Variants in TNK1 observed in about 807,000 individuals in gnomAD.
TNK1 encodes the protein tyrosine kinase non receptor 1.
A neutral mutation model predicts 65.2 loss-of-function variants in TNK1; 53 were observed. The ratio of observed to expected loss-of-function variants is 0.81; its 90% CI spans 0.65 to 1.02. The LOEUF is 1.02. Among genes scored for constraint, TNK1 ranks in the 50% least tolerant of loss-of-function variants. The pLI is 0.00. For missense variants in TNK1, 837 were observed against 878.4 expected, an observed-to-expected ratio of 0.95 and a Z score of 0.60; for synonymous variants, 353 against 364.6, an observed-to-expected ratio of 0.97 and a Z score of 0.36.
intron 7 of TNK1, among the ~76,000 whole-genome samples, chr17:7,385,155 G>A (rs2143123727): frequency 6.6e-6 from 1 of 152,076 alleles, no homozygotes; most frequent in Middle Eastern, 3.4e-3. Context: ...ACCTGAGGTC[G>A]GGAGTTCAAG....
Position 7,384,702 on chromosome 17 carries a change from C to T in TNK1, c.1085C>T (p.Pro362Leu), listed in dbSNP as rs771681552. 27 of 1,591,500 alleles carry T rather than the reference C, an allele frequency of 1.7e-5. No homozygotes were observed. The highest frequency in any genetic ancestry group is 2.2e-5 in the Non-Finnish European group (26 of 1,171,684). ...TCCCTCGCCTTGCGCTGCTGGGCCC[C>T]CCACCCTGCCGACCGGCCTAGCTTT... Reference protein sequence around the residue: ...LYSLALRCWAPHPADRPSFSH... With the variant: ...LYSLALRCWALHPADRPSFSH... Residue 362 changes from proline to leucine, a missense_variant, in exon 7 of 13, where the codon CCC (proline) becomes CTC (leucine). Physicochemically the swap from Pro to Leu is moderately conservative, Grantham distance 98. Coordinates refer to ENST00000688331, the MANE Select transcript of TNK1 (RefSeq NM_003985.6).
rs749885264 is a variant in TNK1, at chr17:7,383,976, G to C, written c.589G>C (p.Glu197Gln). Residue 197 changes from glutamate (E) to glutamine (Q), a missense_variant, in exon 6 of 13, where the codon GAG becomes CAG. By Grantham distance (29) the Glu-to-Gln change is conservative (BLOSUM62 2). Coordinates refer to ENST00000688331, the MANE Select transcript of TNK1 (RefSeq NM_003985.6). ...VLGQPLQMVM[E>Q]LAPLGSLHAR... Reference sequence around the variant, plus strand: ...GCGGTGTTCCCTCCTGCAGGTGATGGAGCTGGCGCCACTGGGCTCCCTGCA... The same window carrying C: ...GCGGTGTTCCCTCCTGCAGGTGATGCAGCTGGCGCCACTGGGCTCCCTGCA... 4 of 1,499,762 alleles carry C rather than the reference G, an allele frequency of 2.7e-6. No homozygotes were observed. The highest frequency in any genetic ancestry group is 2.2e-5 in the Admixed American group (1 of 46,362). The allele number at this position is 1,499,762 out of a possible 1,614,324, so 92.9% of individuals were successfully genotyped here.
chr17:7,386,225 G>A (rs990523946), intron 7 of TNK1, among the ~76,000 whole-genome samples: 2 of 152,154 alleles, frequency 1.3e-5, no homozygotes, highest in African/African-American at 2.4e-5. Context: ...GGGTAGAGGC[G>A]GTGGGGCTGC....
chr17:7,384,140 AC>A lies in TNK1; in HGVS notation c.754del (p.Leu252CysfsTer60). The A allele has an allele frequency of 6.5e-7, 1 of 1,545,516 alleles. No homozygotes were observed. The highest frequency in any genetic ancestry group is 8.7e-7 in the Non-Finnish European group (1 of 1,153,312). On this transcript the variant is annotated frameshift_variant, in exon 6 of 13. Transcript: ENST00000688331. LOFTEE classifies it high-confidence loss of function. ...ACCGAGACCTCGCTACGCGCAACCT[AC>A]TGCTGGCGTCGCCGCGCACCATCAA... ...VHRDLATRNL[L>X]LASPRTIKVA...
intron 7 of TNK1, 73 bp downstream of exon 7, chr17:7,384,827 G>A (rs1905091597): frequency 1.3e-6 from 2 of 1,501,104 alleles, no homozygotes; most frequent in Non-Finnish European, 1.8e-6. Flanking sequence ...TCCATGCGAA[G>A]ACTAACACAT....
At chr17:7,387,315 G>A in intron 9 of TNK1, 63 bp from the exon 10 acceptor site, 2 of 1,549,306 alleles carry the variant, frequency 1.3e-6, no homozygotes, top group Non-Finnish European at 8.7e-7. Context: ...TTTTGGGAGG[G>A]TATATTGATC....
In TNK1 at chr17:7,383,443, C is replaced by T. The variant is rs774652002; in HGVS notation, c.253C>T (p.Pro85Ser). 1.9e-6 allele frequency: 3 copies of T among 1,613,798 alleles called. No individual in the cohort carries two copies. The highest frequency in any genetic ancestry group is 1.3e-5 in the African/African-American group (1 of 74,908). Residue 85 changes from proline (P) to serine (S), a missense_variant, in exon 4 of 13, where the codon CCT becomes TCT. Physicochemically the swap from Pro to Ser is moderately conservative, Grantham distance 74 (BLOSUM62 -1). Transcript: ENST00000688331. ...GTTTCAGATCCTTGGAGGTTTTGCC[C>T]CTGAGCACAAGGAGCCCACCCTGCC... The part of the protein sequence containing the change: ...WVYKILGGFA[P>S]EHKEPTLPSD...
Position 7,389,196 on chromosome 17 carries a change from A to C in TNK1, c.*112A>C. 1 of 838,060 alleles carries C rather than the reference A, an allele frequency of 1.2e-6. No homozygotes were observed. Among genetic ancestry groups the C allele is most frequent in the Non-Finnish European group, 1.8e-6 (1 of 541,856 alleles). 51.9% of individuals were successfully genotyped at this position (838,060 alleles called of 1,614,324 possible). A position where few individuals can be genotyped will look rare whatever the true frequency, so the allele number is the denominator to read the frequency against. Reference sequence around the variant, plus strand: ...AGGTCCCGACAGGGGTAGACGTTCCACCTGGGGAGATCCCACCTGCCGTAG... The same window carrying C: ...AGGTCCCGACAGGGGTAGACGTTCCCCCTGGGGAGATCCCACCTGCCGTAG... On this transcript the variant is annotated 3_prime_UTR_variant, in exon 13 of 13. Coordinates refer to ENST00000688331, the MANE Select transcript of TNK1 (RefSeq NM_003985.6).
At chr17:7,380,829 G>C (rs1904767208), upstream of TNK1, 1 of 152,554 alleles carries the variant, frequency 6.6e-6, no homozygotes, top group South Asian at 2.1e-4. Flanking sequence ...GGGGAGGGCT[G>C]GGAAGCTATT....
In TNK1 at chr17:7,382,278, A is replaced by AG. The variant is rs1160477111; in HGVS notation, c.-91-558_-91-557insG. 1.3e-5 allele frequency among the ~76,000 whole-genome samples: 2 copies of AG among 151,652 alleles called. No individual in the cohort carries two copies. The highest frequency in any genetic ancestry group is 6.6e-5 in the Admixed American group (1 of 15,230). On this transcript the variant is annotated intron_variant, in intron 1 of 12. Coordinates refer to ENST00000688331, the MANE Select transcript of TNK1 (RefSeq NM_003985.6). The surrounding 1 kb of genome is among the most constrained non-coding windows in gnomAD (Gnocchi z 4.1). ...GAGACTCCGTCTCAAAAAAAAAAAA[A>AG]AAGAGGACATGTATTTGGGAGTCTC...
chr17:7,383,598 G>A lies in TNK1; in HGVS notation c.408G>A (p.Thr136=). 1.9e-6 allele frequency: 3 copies of A among 1,603,030 alleles called. No homozygotes were observed. The South Asian group carries it at 3.3e-5, about 18-fold the overall frequency. ...GTGTGGTGCACCGAGGGCTGTGGAC[G>A]CTGCCCAGTGGCAAGAGTGTGAGTG... is the stretch of plus-strand genomic sequence containing the variant. ...CFGVVHRGLW[T]LPSGKSVPVA... The change falls in exon 4 of 13, where the codon ACG becomes ACA. Residue 136 remains threonine, a synonymous_variant. Transcript: ENST00000688331.
chr17:7,389,128 C>T lies in TNK1; in HGVS notation c.*44C>T. ...CAGACACCAGCATGAAAAGCCTAGGCCCCTGAGGGCCTGGCCACATGGGAC... is the reference window on the plus strand; with the variant it reads ...CAGACACCAGCATGAAAAGCCTAGGTCCCTGAGGGCCTGGCCACATGGGAC... On this transcript the variant is annotated 3_prime_UTR_variant, in exon 13 of 13. Transcript: ENST00000688331. 6.8e-7 allele frequency: 1 copy of T among 1,477,214 alleles called. No individual in the cohort carries two copies. Among genetic ancestry groups the T allele is most frequent in the South Asian group, 1.2e-5 (1 of 82,642 alleles). 91.5% of individuals were successfully genotyped at this position (1,477,214 alleles called of 1,614,324 possible). A position where few individuals can be genotyped will look rare whatever the true frequency, so the allele number is the denominator to read the frequency against.
Position 7,388,606 on chromosome 17 carries a change from C to A in TNK1, c.1678C>A (p.Pro560Thr), listed in dbSNP as rs1286558628. The change falls in exon 11 of 13, where the codon CCA becomes ACA. Residue 560 changes from proline (P) to threonine (T), a missense_variant. Pro to Thr is a conservative substitution (Grantham distance 38, BLOSUM62 -1). Coordinates refer to ENST00000688331, the MANE Select transcript of TNK1 (RefSeq NM_003985.6). This position sits in a 1 kb window ranked among gnomAD's most constrained non-coding sequence, Gnocchi z 4.5. ...ERLPWPKRKPPHNHPMGMPGA... is the reference protein window; with the variant it reads ...ERLPWPKRKPTHNHPMGMPGA... Reference sequence around the variant, plus strand: ...GCTTCCCTGGCCCAAAAGAAAACCCCCACACAATCACCCCATGGGAATGCC... The same window carrying A: ...GCTTCCCTGGCCCAAAAGAAAACCCACACACAATCACCCCATGGGAATGCC... The A allele has an allele frequency of 6.2e-7, 1 of 1,613,892 alleles. No homozygotes were observed. The highest frequency in any genetic ancestry group is 2.2e-5 in the East Asian group (1 of 44,902).
In TNK1 at chr17:7,386,645, A is replaced by G. The variant is rs2143139758; in HGVS notation, c.1222A>G (p.Ile408Val). ...RMETGDPITV[I>V]EGSPDSTIWK... ...GGAGACTGGTGACCCCATCACAGTC[A>G]TCGAGGGCAGGTGACAGTCCCATAC... The change falls in exon 8 of 13, where the codon ATC becomes GTC. Residue 408 changes from isoleucine to valine, a missense_variant. Transcript: ENST00000688331. The G allele has an allele frequency of 6.3e-7, 1 of 1,589,582 alleles. No homozygotes were observed. Among genetic ancestry groups the G allele is most frequent in the Middle Eastern group, 1.7e-4 (1 of 6,038 alleles).
Position 7,388,725 on chromosome 17 carries a change from C to T in TNK1, c.1776+21C>T, listed in dbSNP as rs373939689. ...TGGAGGTGAGGTCTCACTGAAATGG[C>T]CTGGTGTCCAGAAGGGGCTACAGGC... On this transcript the variant is annotated intron_variant, in intron 11 of 12. Coordinates refer to ENST00000688331, the MANE Select transcript of TNK1 (RefSeq NM_003985.6). The surrounding 1 kb of genome is among the most constrained non-coding windows in gnomAD (Gnocchi z 4.5). The T allele has an allele frequency of 1.2e-6, 2 of 1,608,632 alleles. No homozygotes were observed. The highest frequency in any genetic ancestry group is 2.7e-5 in the African/African-American group (2 of 74,736).
Position 7,387,120 on chromosome 17 carries a change from G to A in TNK1, c.1363G>A (p.Ala455Thr), listed in dbSNP as rs867355063. ...ATRPVHRGTP[A>T]RGDQHPGSID... ...CCGTCCAGTCCACAGAGGCACCCCT[G>A]CCCGGGGAGATCAACACCCAGGAAG... The change falls in exon 9 of 13, where the codon GCC becomes ACC. Residue 455 changes from alanine (A) to threonine (T), a missense_variant. Coordinates refer to ENST00000688331, the MANE Select transcript of TNK1 (RefSeq NM_003985.6). The A allele has an allele frequency of 1.2e-6, 2 of 1,603,576 alleles. No individual in the cohort carries two copies. Among genetic ancestry groups the A allele is most frequent in the Non-Finnish European group, 8.5e-7 (1 of 1,173,880 alleles).
At position 7,387,025 on chromosome 17, in the gene TNK1, G is replaced by T; in HGVS notation, c.1268G>T (p.Arg423Leu). The stretch of plus-strand genomic sequence containing the variant: ...ACAATCTGGAAGGGCCAGAATGGTC[G>T]CACCTTCAAAGTGGGCAGCTTCCCA... ...DSTIWKGQNGRTFKVGSFPAS... is the reference protein window; with the variant it reads ...DSTIWKGQNGLTFKVGSFPAS... The change falls in exon 9 of 13, where the codon CGC becomes CTC. Residue 423 changes from arginine to leucine, a missense_variant. Coordinates refer to ENST00000688331, the MANE Select transcript of TNK1 (RefSeq NM_003985.6). The T allele has an allele frequency of 1.3e-6, 2 of 1,597,110 alleles. No individual in the cohort carries two copies. Among genetic ancestry groups the T allele is most frequent in the African/African-American group, 2.7e-5 (2 of 74,646 alleles).
At chr17:7,386,771 C>A in intron 8 of TNK1, 116 bp downstream of exon 8, 1 of 1,113,732 alleles carries the variant, frequency 9.0e-7, no homozygotes. Flanking sequence ...TGTCTCATCT[C>A]CTCTCCCCAC....
In TNK1 at chr17:7,386,666, C is replaced by A; in HGVS notation, c.1232+11C>A. 1 of 1,569,980 alleles carries A rather than the reference C, an allele frequency of 6.4e-7. No homozygotes were observed. Among genetic ancestry groups the A allele is most frequent in the East Asian group, 2.3e-5 (1 of 42,580 alleles). ...AGTCATCGAGGGCAGGTGACAGTCC[C>A]ATACCTCCCAAGCACCCTCAGGAGG... On this transcript the variant is annotated intron_variant, in intron 8 of 12. Coordinates refer to ENST00000688331, the MANE Select transcript of TNK1 (RefSeq NM_003985.6).
Sources: allele counts gnomAD v4.1 joint callset (sites outside exome capture counted in the v4.1 genomes callset), GRCh38; gene constraint gnomAD v4.1.1; non-coding constraint Gnocchi (gnomAD v3.1); transcripts MANE v1.5; gene names NCBI Gene and HGNC (gene_info 2026-07-23, HGNC 2026-07-21).